The following TNKS variants were observed in gnomAD, a reference collection of about 807,000 sequenced individuals.
The protein encoded by TNKS is poly [ADP-ribose] polymerase tankyrase-1.
A neutral mutation model predicts 135.8 loss-of-function variants in TNKS; 72 were observed. The ratio of observed to expected loss-of-function variants is 0.53; its 90% CI spans 0.44 to 0.64. TNKS has a LOEUF of 0.64. Ranked by LOEUF, TNKS falls within the 30% of genes least tolerant of loss-of-function variation. The pLI, the probability that TNKS is intolerant of heterozygous loss-of-function variation, is 0.00. For synonymous variants in TNKS, 849 were observed against 649.3 expected (o/e 1.31, Z -4.68); for missense variants, 1,769 against 1,674.0 (o/e 1.06, Z -0.99).
In TNKS at chr8:9,706,927, A is replaced by C; in HGVS notation, c.1386A>C (p.Thr462=). Residue 462 remains threonine (T), a synonymous_variant, in exon 8 of 27, where the codon ACA becomes ACC. Transcript: ENST00000310430. ...TACTTAGCCATGGCGCTGATCCTACATTAGTCAACTGCCATGGCAAAAGTG... is the reference window on the plus strand; with the variant it reads ...TACTTAGCCATGGCGCTGATCCTACCTTAGTCAACTGCCATGGCAAAAGTG... ...SLLLSHGADP[T]LVNCHGKSAV... 6.2e-7 allele frequency: 1 copy of C among 1,613,600 alleles called. No individual in the cohort carries two copies. Among genetic ancestry groups the C allele is most frequent in the South Asian group, 1.1e-5 (1 of 91,024 alleles).
At position 9,555,952 on chromosome 8, in the gene TNKS, C is replaced by A; in HGVS notation, c.13C>A (p.Arg5Ser). The change falls in exon 1 of 27, where the codon CGT becomes AGT. Residue 5 changes from arginine to serine, a missense_variant. Transcript: ENST00000310430. ...GGGGAGTCCGAAGATGGCGGCGTCG[C>A]GTCGCTCTCAGCATCATCACCACCA... MAAS[R>S]RSQHHHHHHQ... 6.2e-7 allele frequency: 1 copy of A among 1,611,672 alleles called. No individual in the cohort carries two copies. The highest frequency in any genetic ancestry group is 1.1e-5 in the South Asian group (1 of 90,796).
intron 3 of TNKS, among the ~76,000 whole-genome samples, chr8:9,669,218 A>T (rs1015539134): frequency 6.6e-6 from 1 of 151,702 alleles, no homozygotes. Flanking sequence ...GGAGATCGAG[A>T]CCATCCTGGC....
In TNKS at chr8:9,556,082, C is replaced by T. The variant is rs1815275265; in HGVS notation, c.143C>T (p.Pro48Leu). 6.2e-7 allele frequency: 1 copy of T among 1,604,566 alleles called. No individual in the cohort carries two copies. Among genetic ancestry groups the T allele is most frequent in the Non-Finnish European group, 8.5e-7 (1 of 1,176,368 alleles). Residue 48 changes from proline (P) to leucine (L), a missense_variant, in exon 1 of 27, where the codon CCC becomes CTC. Transcript: ENST00000310430. ...GCCCCGGGGACCACCCCAGCCTCTC[C>T]CACGGCCAGCGGCCTGGCCCCCTTC... Reference protein sequence around the residue: ...GLAPGTTPASPTASGLAPFAS... With the variant: ...GLAPGTTPASLTASGLAPFAS...
At position 9,776,793 on chromosome 8, in the gene TNKS, G is replaced by T. The variant is rs1808246120; in HGVS notation, c.*57G>T. 1.3e-6 allele frequency: 2 copies of T among 1,516,972 alleles called. No individual in the cohort carries two copies. Among genetic ancestry groups the T allele is most frequent in the East Asian group, 2.3e-5 (1 of 44,390 alleles). 94.0% of individuals were successfully genotyped at this position (1,516,972 alleles called of 1,614,324 possible). A position where few individuals can be genotyped will look rare whatever the true frequency, so the allele number is the denominator to read the frequency against. The stretch of plus-strand genomic sequence containing the variant: ...TTCAACCTGGGACTGGATTACAGAG[G>T]ATTGTTTCTAATAACAACATCAATA... On this transcript the variant is annotated 3_prime_UTR_variant, in exon 27 of 27. Transcript: ENST00000310430.
At chr8:9,716,735 G>A (rs1228899616) in intron 11 of TNKS, among the ~76,000 whole-genome samples, 2 of 151,498 alleles carry the variant, frequency 1.3e-5, no homozygotes, top group Admixed American at 1.3e-4. Context: ...TTTCTCTGAG[G>A]TTTCTTTTCT....
chr8:9,565,289 A>AT (rs1391205918), intron 1 of TNKS, among the ~76,000 whole-genome samples: 2 of 151,910 alleles, frequency 1.3e-5, no homozygotes, highest in African/African-American at 4.8e-5. Flanking sequence ...TTATTTATTT[A>AT]TTTTGGTTTT....
intron 3 of TNKS, among the ~76,000 whole-genome samples, chr8:9,630,321 T>C (rs992983811): frequency 1.3e-5 from 2 of 152,054 alleles, no homozygotes; most frequent in African/African-American, 4.8e-5. Context: ...CAGCACAACA[T>C]GGTAAAATCA....
Position 9,556,217 on chromosome 8 carries a change from C to G in TNKS, c.278C>G (p.Thr93Ser), listed in dbSNP as rs759533093. Reference protein sequence around the residue: ...PVDGTSCCSTTSTICTVAAAP... With the variant: ...PVDGTSCCSTSSTICTVAAAP... ...GACGGTACCAGCTGTTGCAGTACCA[C>G]CAGCACAATCTGTACCGTCGCCGCC... The change falls in exon 1 of 27, where the codon ACC becomes AGC. Residue 93 changes from threonine to serine, a missense_variant. Coordinates refer to ENST00000310430, the MANE Select transcript of TNKS (RefSeq NM_003747.3). The G allele has an allele frequency of 1.7e-5, 28 of 1,614,164 alleles. No individual in the cohort carries two copies. Among genetic ancestry groups the G allele is most frequent in the Non-Finnish European group, 2.4e-5 (28 of 1,180,026 alleles).
intron 14 of TNKS, 119 bp from the exon 15 acceptor site, chr8:9,733,160 C>T: frequency 1.2e-6 from 1 of 809,232 alleles, no homozygotes. Context: ...GGGTGTATTT[C>T]TTTTTGCGCA....
intron 5 of TNKS, among the ~76,000 whole-genome samples, chr8:9,697,618 T>G (rs1803579234): frequency 6.6e-6 from 1 of 152,050 alleles, no homozygotes; most frequent in Non-Finnish European, 1.5e-5. Context: ...CATCAAAAAG[T>G]AGGCAAAGGA....
chr8:9,567,155 A>G (rs1308867951), intron 1 of TNKS, among the ~76,000 whole-genome samples: 2 of 152,232 alleles, frequency 1.3e-5, no homozygotes, highest in Non-Finnish European at 2.9e-5. Context: ...TACAGTAAAA[A>G]GTAGGGCATC....
At chr8:9,645,649 G>A (rs1800893578) in intron 3 of TNKS, among the ~76,000 whole-genome samples, 1 of 152,024 alleles carries the variant, frequency 6.6e-6, no homozygotes, top group South Asian at 2.1e-4. Context: ...CAGGCATCAT[G>A]GTCTAAATGT....
At chr8:9,735,926 A>G (rs1805679481) in intron 17 of TNKS, among the ~76,000 whole-genome samples, 1 of 152,086 alleles carries the variant, frequency 6.6e-6, no homozygotes. Flanking sequence ...GCATAATTTT[A>G]ATCTTTTGTT....
intron 3 of TNKS, among the ~76,000 whole-genome samples, chr8:9,655,406 G>A (rs1419777787): frequency 2.0e-5 from 3 of 152,172 alleles, no homozygotes; most frequent in African/African-American, 7.2e-5. Flanking sequence ...GGTTCTCCCA[G>A]CACGCAGCTT....
chr8:9,620,236 C>T (rs535299711), intron 3 of TNKS, among the ~76,000 whole-genome samples: 120 of 152,246 alleles, frequency 7.9e-4, no homozygotes, highest in Admixed American at 1.4e-3. Context: ...TGTGAGCCAC[C>T]GTGCCCGGCC....
At chr8:9,678,209 C>T (rs564524874) in intron 3 of TNKS, among the ~76,000 whole-genome samples, 8 of 152,218 alleles carry the variant, frequency 5.3e-5, no homozygotes, top group South Asian at 2.1e-4. Context: ...AGATACATTG[C>T]GTAATTTGAT....
At chr8:9,661,719 T>C (rs534634381) in intron 3 of TNKS, among the ~76,000 whole-genome samples, 5 of 151,816 alleles carry the variant, frequency 3.3e-5, no homozygotes, top group East Asian at 1.9e-4. Flanking sequence ...GCAACAAAAG[T>C]CAAAATTGAC....
chr8:9,620,753 A>G (rs1799835561), intron 3 of TNKS, among the ~76,000 whole-genome samples: 1 of 152,230 alleles, frequency 6.6e-6, no homozygotes, highest in South Asian at 2.1e-4. Context: ...TCTCTAGTTC[A>G]AACGTCTGCT....
rs1808342841 is a variant in TNKS at position 9,778,771 on chromosome 8, T to TTAA, written c.*2037_*2038insATA. Reference sequence around the variant, plus strand: ...TCAGTAGCTGTCAAGTGTGTCTTACTTACCTTCCCCCAGACGTAGTTTAAA... The same window carrying TTAA: ...TCAGTAGCTGTCAAGTGTGTCTTACTTAATACCTTCCCCCAGACGTAGTTTAAA... On this transcript the variant is annotated 3_prime_UTR_variant, in exon 27 of 27. Coordinates refer to ENST00000310430, the MANE Select transcript of TNKS (RefSeq NM_003747.3). The TTAA allele has an allele frequency of 5.9e-5, 9 of 152,322 alleles. No individual in the cohort carries two copies. The East Asian group carries it at 1.3e-3, about 23-fold the overall frequency. 9.4% of individuals were successfully genotyped at this position (152,322 alleles called of 1,614,324 possible).
Sources: allele counts gnomAD v4.1 joint callset (sites outside exome capture counted in the v4.1 genomes callset), GRCh38; gene constraint gnomAD v4.1.1; transcripts MANE v1.5; gene names NCBI Gene and HGNC (gene_info 2026-07-23, HGNC 2026-07-21).